MYPN: variants seen among roughly 807,000 people sequenced by gnomAD.
The protein encoded by MYPN is myopalladin.
Under a neutral mutation model 129.4 loss-of-function variants are expected in MYPN, and 63 were observed. The observed-to-expected ratio is 0.49, with a 90% CI of 0.40 to 0.60. MYPN has a LOEUF of 0.60. MYPN is among the 20% of genes least tolerant of loss of function. The pLI is 0.00. For synonymous variants in MYPN, 629 were observed against 600.9 expected (o/e 1.05, Z -0.68); for missense variants, 1,596 against 1,635.4 (o/e 0.98, Z 0.42).
chr10:68,123,059 G>A (rs2042270711), intron 2 of MYPN, among the ~76,000 whole-genome samples: 1 of 151,448 alleles, frequency 6.6e-6, no homozygotes, highest in African/African-American at 2.4e-5. Flanking sequence ...CAATTTGGAT[G>A]TTAAATTTTC....
rs2635993 is a variant in MYPN at position 68,145,658 on chromosome 10, C to T, written c.1130+132C>T. The T allele has an allele frequency of 0.12, 83,344 of 669,804 alleles. 13,152 individuals carry two copies. Among genetic ancestry groups the T allele is most frequent in the African/African-American group, 0.63 (32,329 of 51,320 alleles). The allele number at this position is 669,804 out of a possible 1,614,324, so 41.5% of individuals were successfully genotyped here. On this transcript the variant is annotated intron_variant, in intron 4 of 19. Transcript: ENST00000358913. ...TTGACCACAAAAATAAATAAATAAA[C>T]AAACAAACAAACAAACAAATTGAGT...
rs1187897430 is a variant in MYPN, at chr10:68,166,369, A to C, written c.1676A>C (p.Gln559Pro). The change falls in exon 10 of 20, where the codon CAG becomes CCG. Residue 559 changes from glutamine to proline, a missense_variant. By Grantham distance (76) the Gln-to-Pro change is moderately conservative. Transcript: ENST00000358913. ...STTNLAAIEP[Q>P]PSPPHSEPPS... ...ACCAACCTGGCAGCTATTGAGCCAC[A>C]GCCCTCCCCACCCCACTCAGAGCCT... 2.1e-5 allele frequency: 34 copies of C among 1,614,094 alleles called. No homozygotes were observed. The highest frequency in any genetic ancestry group is 2.9e-5 in the Non-Finnish European group (34 of 1,179,992).
rs1354515121 is a variant in MYPN at position 68,109,499 on chromosome 10, T to A, written c.-226T>A. ...AACTTGGGACCTGTGAGCTGACAAA[T>A]GCTCTGGCTCCGGTGGTGACAGGTT... On this transcript the variant is annotated 5_prime_UTR_variant, in exon 1 of 20. The change abolishes an upstream ATG in the 5' untranslated region. Transcript: ENST00000358913. 1 of 454,020 alleles carries A rather than the reference T, an allele frequency of 2.2e-6. No individual in the cohort carries two copies. Among genetic ancestry groups the A allele is most frequent in the Non-Finnish European group, 4.4e-6 (1 of 226,806 alleles). The allele number at this position is 454,020 out of a possible 1,614,324, so 28.1% of individuals were successfully genotyped here.
chr10:68,127,758 C>T (rs1589534816), intron 2 of MYPN, among the ~76,000 whole-genome samples: 1 of 152,166 alleles, frequency 6.6e-6, no homozygotes, highest in East Asian at 1.9e-4. Context: ...CCACAGGACC[C>T]AGGAAAACAG....
chr10:68,184,775 G>C (rs2043393726), intron 12 of MYPN, among the ~76,000 whole-genome samples: 1 of 152,158 alleles, frequency 6.6e-6, no homozygotes, highest in African/African-American at 2.4e-5. Context: ...AAGCCTTGGA[G>C]CTTTCTCTTC....
intron 4 of MYPN, 58 bp from the exon 5 acceptor site, chr10:68,148,295 T>C: frequency 7.2e-7 from 1 of 1,384,086 alleles, no homozygotes; most frequent in East Asian, 2.4e-5. Flanking sequence ...TTTCCTAAAA[T>C]AATTTTCACA....
Position 68,165,009 on chromosome 10 carries a change from A to G in MYPN, c.1484-693A>G, listed in dbSNP as rs78979322. Among the ~76,000 whole-genome samples, 866 of 152,366 alleles carry G rather than the reference A, an allele frequency of 5.7e-3. 11 individuals are homozygous for G. Among genetic ancestry groups the G allele is most frequent in the African/African-American group, 0.02 (838 of 41,588 alleles). On this transcript the variant is annotated intron_variant, in intron 8 of 19. Coordinates refer to ENST00000358913, the MANE Select transcript of MYPN (RefSeq NM_032578.4). ...ATCTAGGCTTAGAAAATGTTTTATT[A>G]GTCCTTTAATTTCACAGAAACTTCC...
At chr10:68,171,687 C>T (rs1033195827) in intron 10 of MYPN, among the ~76,000 whole-genome samples, 1 of 152,194 alleles carries the variant, frequency 6.6e-6, no homozygotes, top group Admixed American at 6.5e-5. Context: ...GTGCAACCAG[C>T]ACAGTGACTA....
At chr10:68,141,591 A>G (rs986832391) in intron 2 of MYPN, among the ~76,000 whole-genome samples, 1 of 152,208 alleles carries the variant, frequency 6.6e-6, no homozygotes, top group African/African-American at 2.4e-5. Context: ...ACACTGAGCC[A>G]TCTCACTCCT....
At chr10:68,135,607 C>T (rs2042474966) in intron 2 of MYPN, 1 of 474,910 alleles carries the variant, frequency 2.1e-6, no homozygotes. Flanking sequence ...TGGGCAAAGA[C>T]AATTAAAGGA....
chr10:68,093,681 C>A (rs2041941815), intron 1 of MYPN, among the ~76,000 whole-genome samples: 1 of 151,634 alleles, frequency 6.6e-6, no homozygotes, highest in South Asian at 2.1e-4. Flanking sequence ...GGCGTGAACC[C>A]CGGAGGCGGA....
intron 1 of MYPN, among the ~76,000 whole-genome samples, chr10:68,111,734 A>G (rs1316885675): frequency 6.6e-6 from 1 of 152,224 alleles, no homozygotes; most frequent in Non-Finnish European, 1.5e-5. Flanking sequence ...ATGTATAACC[A>G]GAGTCACCTT....
At chr10:68,145,132 C>G (rs1589552646) in intron 3 of MYPN, among the ~76,000 whole-genome samples, 1 of 151,822 alleles carries the variant, frequency 6.6e-6, no homozygotes, top group Admixed American at 6.6e-5. Flanking sequence ...TCAAGCTATT[C>G]TCCTGCCTCA....
intron 1 of MYPN, among the ~76,000 whole-genome samples, chr10:68,093,591 A>G (rs867809446): frequency 0.014 from 2,161 of 151,030 alleles, 71 homozygotes; most frequent in African/African-American, 0.05. Flanking sequence ...AAAAAAAAAA[A>G]AAAGAAATAC....
intron 12 of MYPN, among the ~76,000 whole-genome samples, chr10:68,184,436 C>CT (rs2043388094): frequency 8.8e-6 from 1 of 113,440 alleles, no homozygotes; most frequent in Non-Finnish European, 2.1e-5. Context: ...CTGTTGGAGG[C>CT]ATTTTTTTTT....
At chr10:68,192,673 A>G (rs1277008533) in intron 13 of MYPN, among the ~76,000 whole-genome samples, 1 of 151,384 alleles carries the variant, frequency 6.6e-6, no homozygotes, top group Admixed American at 6.6e-5. Context: ...CTTTTTCGTT[A>G]CTGCTTCAAT....
chr10:68,130,384 C>T (rs867550494), intron 2 of MYPN, among the ~76,000 whole-genome samples: 7 of 150,782 alleles, frequency 4.6e-5, no homozygotes, highest in Admixed American at 2.6e-4. Flanking sequence ...TGCTTGAACC[C>T]GGGAGATGGA....
At chr10:68,131,892 A>G (rs1418156189) in intron 2 of MYPN, among the ~76,000 whole-genome samples, 1 of 152,192 alleles carries the variant, frequency 6.6e-6, no homozygotes, top group African/African-American at 2.4e-5. Context: ...TGTTAAATTC[A>G]TGAAACAATT....
intron 7 of MYPN, among the ~76,000 whole-genome samples, chr10:68,159,477 C>T (rs1468219802): frequency 6.6e-6 from 1 of 152,184 alleles, no homozygotes; most frequent in African/African-American, 2.4e-5. Flanking sequence ...TTCATATTTA[C>T]TTAAGTCTTT....
Sources: allele counts gnomAD v4.1 joint callset (sites outside exome capture counted in the v4.1 genomes callset), GRCh38; gene constraint gnomAD v4.1.1; transcripts MANE v1.5; gene names NCBI Gene and HGNC (gene_info 2026-07-23, HGNC 2026-07-21).